Variants in RBFOX1 observed in about 807,000 individuals in gnomAD.
RBFOX1 encodes RNA binding fox-1 homolog 1.
A neutral mutation model predicts 57.7 loss-of-function variants in RBFOX1; 8 were observed. The ratio of observed to expected loss-of-function variants is 0.14; its 90% confidence interval spans 0.08 to 0.25. RBFOX1 has a LOEUF of 0.25. Ranked by LOEUF, RBFOX1 falls within the 10% of genes least tolerant of loss-of-function variation. The pLI is 1.00. For synonymous variants in RBFOX1, 326 were observed against 222.4 expected (o/e 1.47, Z -4.15); for missense variants, 611 against 548.5 (o/e 1.11, Z -1.14).
chr16:5,937,773 A>G (rs2059197014), intron 4 of RBFOX1, among the ~76,000 whole-genome samples: 1 of 149,282 alleles, frequency 6.7e-6, no homozygotes, highest in Admixed American at 6.7e-5. Flanking sequence ...ATATATGTAT[A>G]TAATGTATAT....
At chr16:5,608,369 GGT>G in intron 3 of RBFOX1, among the ~76,000 whole-genome samples, 1 of 152,276 alleles carries the variant, frequency 6.6e-6, no homozygotes, top group Middle Eastern at 3.4e-3. Flanking sequence ...AAGCTCTGGA[GGT>G]GTGAGGGTCC....
At chr16:7,705,075 C>T (rs2082003676) in intron 14 of RBFOX1, among the ~76,000 whole-genome samples, 1 of 148,918 alleles carries the variant, frequency 6.7e-6, no homozygotes, top group South Asian at 2.1e-4. Context: ...GGCAGAGAGC[C>T]AGAGAAAGAA....
upstream of RBFOX1, among the ~76,000 whole-genome samples, chr16:6,017,467 C>T (rs1464516466): frequency 6.6e-6 from 1 of 151,984 alleles, no homozygotes; most frequent in Non-Finnish European, 1.5e-5. Context: ...TGTTACCAAC[C>T]CAGATTTATG....
intron 5 of RBFOX1, among the ~76,000 whole-genome samples, chr16:7,526,863 C>T (rs2078821816): frequency 6.6e-6 from 1 of 152,218 alleles, no homozygotes; most frequent in African/African-American, 2.4e-5. Flanking sequence ...AAGCAGGAGT[C>T]AGAGCTCAAA....
chr16:5,431,928 C>A (rs913933239), intron 1 of RBFOX1, among the ~76,000 whole-genome samples: 3 of 152,112 alleles, frequency 2.0e-5, no homozygotes, highest in Admixed American at 6.5e-5. Context: ...GGATTCGAAT[C>A]CTCTGACGGA....
chr16:7,384,162 C>G (rs1395643949), intron 4 of RBFOX1, among the ~76,000 whole-genome samples: 1 of 151,290 alleles, frequency 6.6e-6, no homozygotes, highest in Non-Finnish European at 1.5e-5. Flanking sequence ...GTATGCTTAT[C>G]TGTGCTTTTC....
chr16:6,827,097 C>A (rs2092248153), intron 3 of RBFOX1, among the ~76,000 whole-genome samples: 1 of 152,144 alleles, frequency 6.6e-6, no homozygotes, highest in Non-Finnish European at 1.5e-5. Flanking sequence ...CTTACCGAGT[C>A]TCTTAGTGTC....
intron 4 of RBFOX1, among the ~76,000 whole-genome samples, chr16:5,932,023 C>T (rs180792671): frequency 3.9e-5 from 6 of 152,080 alleles, no homozygotes; most frequent in African/African-American, 9.6e-5. Context: ...AGGCTGGTTT[C>T]GGACTCTTGG....
In RBFOX1 at chr16:6,019,056, C is replaced by T. The variant is rs1299162548; in HGVS notation, c.-1063C>T. The T allele has an allele frequency of 6.2e-6, 6 of 973,678 alleles. No homozygotes were observed. Among genetic ancestry groups the T allele is most frequent in the Admixed American group, 6.2e-5 (1 of 16,168 alleles). The allele number at this position is 973,678 out of a possible 1,614,324, so 60.3% of individuals were successfully genotyped here. On this transcript the variant is annotated 5_prime_UTR_variant, in exon 1 of 16. Coordinates refer to ENST00000550418, the MANE Select transcript of RBFOX1 (RefSeq NM_018723.4). The surrounding 1 kb of genome is among the most constrained non-coding windows in gnomAD (Gnocchi z 4.2). Reference sequence around the variant, plus strand: ...TTTTGGCTCCGCAGCCGGGGCTGCTCGCTGCTTGTCGCGCGCTCACACACA... The same window carrying T: ...TTTTGGCTCCGCAGCCGGGGCTGCTTGCTGCTTGTCGCGCGCTCACACACA...
intron 3 of RBFOX1, among the ~76,000 whole-genome samples, chr16:6,750,909 T>C (rs11864908): frequency 0.98 from 148,890 of 152,234 alleles, 72,896 homozygotes; most frequent in East Asian, 1. Flanking sequence ...TTCTTCAGAT[T>C]AGTGGGCTAG....
chr16:6,559,652 A>G (rs1399021637), intron 2 of RBFOX1, among the ~76,000 whole-genome samples: 1 of 152,166 alleles, frequency 6.6e-6, no homozygotes, highest in Non-Finnish European at 1.5e-5. Flanking sequence ...ATATGTGAAT[A>G]TATACCCACA....
intron 3 of RBFOX1, among the ~76,000 whole-genome samples, chr16:6,760,230 CT>C (rs1363551779): frequency 2.0e-5 from 3 of 152,180 alleles, no homozygotes; most frequent in Admixed American, 6.5e-5. Flanking sequence ...TTCCTCATGT[CT>C]TTAAGCAGGA....
At chr16:7,337,803 G>T (rs573151219) in intron 4 of RBFOX1, among the ~76,000 whole-genome samples, 2 of 152,278 alleles carry the variant, frequency 1.3e-5, no homozygotes, top group South Asian at 4.1e-4. Flanking sequence ...TCCTGCCTCA[G>T]CCTCCCAAGT....
intron 1 of RBFOX1, among the ~76,000 whole-genome samples, chr16:6,135,519 CA>C (rs1387657769): frequency 6.6e-6 from 1 of 152,040 alleles, no homozygotes; most frequent in African/African-American, 2.4e-5. Context: ...ACAGATTCAA[CA>C]GGGTCAGGTG....
intron 4 of RBFOX1, among the ~76,000 whole-genome samples, chr16:7,294,796 A>G (rs1053733805): frequency 1.3e-5 from 2 of 151,950 alleles, no homozygotes; most frequent in African/African-American, 2.4e-5. Flanking sequence ...GATGATGATG[A>G]TGATGACAGT....
chr16:6,580,576 C>T (rs560186092), intron 2 of RBFOX1, among the ~76,000 whole-genome samples: 1 of 125,162 alleles, frequency 8.0e-6, no homozygotes, highest in East Asian at 3.1e-4. Context: ...TTCTGCAAAA[C>T]CAGAAATGTC....
chr16:6,648,076 C>G (rs2098548414), intron 2 of RBFOX1, among the ~76,000 whole-genome samples: 1 of 152,168 alleles, frequency 6.6e-6, no homozygotes, highest in Non-Finnish European at 1.5e-5. Context: ...CTCCTGGCCT[C>G]AAGTGATCCA....
intron 4 of RBFOX1, among the ~76,000 whole-genome samples, chr16:7,147,787 C>A (rs191200472): frequency 6.6e-6 from 1 of 152,180 alleles, no homozygotes; most frequent in East Asian, 1.9e-4. Flanking sequence ...CATGTGAGTG[C>A]GTGTGTCTTT....
At chr16:7,303,436 G>C (rs560368178) in intron 4 of RBFOX1, among the ~76,000 whole-genome samples, 1 of 152,222 alleles carries the variant, frequency 6.6e-6, no homozygotes, top group East Asian at 1.9e-4. Context: ...TACCACTGTG[G>C]GTCCCAGCTG....
Sources: allele counts gnomAD v4.1 joint callset (sites outside exome capture counted in the v4.1 genomes callset), GRCh38; gene constraint gnomAD v4.1.1; non-coding constraint Gnocchi (gnomAD v3.1); transcripts MANE v1.5; gene names NCBI Gene and HGNC (gene_info 2026-07-23, HGNC 2026-07-21).